The following NPAS3 variants were observed in gnomAD, a reference collection of about 807,000 sequenced individuals.
NPAS3 encodes the protein neuronal PAS domain protein 3.
In NPAS3, 14 loss-of-function variants were observed where a neutral mutation model predicts 73.1. The ratio of observed to expected loss-of-function variants is 0.19; its 90% CI spans 0.13 to 0.30. The LOEUF is 0.30. Among genes scored for constraint, NPAS3 ranks in the 10% least tolerant of loss-of-function variants. NPAS3 has a pLI of 1.00. For synonymous variants in NPAS3, 620 were observed against 541.5 expected (o/e 1.14, Z -2.01); for missense variants, 1,096 against 1,250.0 (o/e 0.88, Z 1.86).
At chr14:33,175,713 G>A (rs1186195231) in intron 2 of NPAS3, among the ~76,000 whole-genome samples, 1 of 152,082 alleles carries the variant, frequency 6.6e-6, no homozygotes, top group Admixed American at 6.5e-5. Context: ...TGGGCTTATT[G>A]AGATTTTACA....
intron 4 of NPAS3, among the ~76,000 whole-genome samples, chr14:33,371,550 G>A (rs1264267898): frequency 1.3e-5 from 2 of 152,090 alleles, no homozygotes; most frequent in Non-Finnish European, 2.9e-5. Flanking sequence ...GCTGAGAAAG[G>A]ATTGGTTTTC....
At chr14:33,582,718 AGAT>A (rs2056714213) in intron 5 of NPAS3, among the ~76,000 whole-genome samples, 1 of 152,218 alleles carries the variant, frequency 6.6e-6, no homozygotes, top group Non-Finnish European at 1.5e-5. Flanking sequence ...GCGGATATTA[AGAT>A]AATAAGTCAT....
intron 4 of NPAS3, among the ~76,000 whole-genome samples, chr14:33,444,466 T>G (rs549566918): frequency 2.0e-5 from 3 of 152,340 alleles, no homozygotes; most frequent in Non-Finnish European, 4.4e-5. Flanking sequence ...AAGAGTTAGT[T>G]TGAGTCTGCA....
chr14:33,243,349 A>T (rs1486070886), intron 3 of NPAS3, among the ~76,000 whole-genome samples: 1 of 152,068 alleles, frequency 6.6e-6, no homozygotes, highest in Admixed American at 6.6e-5. Flanking sequence ...ATCCTAAGTA[A>T]TGTATATCAA....
chr14:33,132,115 G>T (rs2043660010), intron 2 of NPAS3, among the ~76,000 whole-genome samples: 1 of 152,132 alleles, frequency 6.6e-6, no homozygotes, highest in Non-Finnish European at 1.5e-5. Flanking sequence ...TGGTGGGAAA[G>T]GGAGTCTGGG....
chr14:33,053,795 T>C (rs1031475364), intron 1 of NPAS3, among the ~76,000 whole-genome samples: 3 of 152,124 alleles, frequency 2.0e-5, no homozygotes, highest in East Asian at 1.9e-4. Flanking sequence ...GTCCTTCTTT[T>C]CCCCCCTTCC....
chr14:33,593,843 T>C (rs1444846934), intron 5 of NPAS3, among the ~76,000 whole-genome samples: 2 of 152,204 alleles, frequency 1.3e-5, no homozygotes, highest in Non-Finnish European at 2.9e-5. Flanking sequence ...GTGAGTGAAC[T>C]TGTGTACAGA....
chr14:33,730,971 T>A (rs1014503712), intron 6 of NPAS3, among the ~76,000 whole-genome samples: 2 of 152,210 alleles, frequency 1.3e-5, no homozygotes, highest in Non-Finnish European at 1.5e-5. Context: ...CTTAACAACC[T>A]ATGGCAACTC....
chr14:33,524,019 T>C (rs901223040), intron 4 of NPAS3, among the ~76,000 whole-genome samples: 1 of 152,160 alleles, frequency 6.6e-6, no homozygotes, highest in African/African-American at 2.4e-5. Flanking sequence ...AAAATAACTA[T>C]AACTATCTTT....
At chr14:33,667,971 G>A (rs1037488662) in intron 5 of NPAS3, among the ~76,000 whole-genome samples, 9 of 151,942 alleles carry the variant, frequency 5.9e-5, no homozygotes, top group Non-Finnish European at 1.0e-4. Context: ...GTAGGTAAAC[G>A]TGTGCCATGG....
At chr14:33,611,638 C>G (rs2057752769) in intron 5 of NPAS3, among the ~76,000 whole-genome samples, 1 of 152,134 alleles carries the variant, frequency 6.6e-6, no homozygotes, top group South Asian at 2.1e-4. Flanking sequence ...TCCTTGAATA[C>G]ATATTTTCCA....
At chr14:33,798,895 C>T (rs548927472) in intron 11 of NPAS3, among the ~76,000 whole-genome samples, 3 of 145,568 alleles carry the variant, frequency 2.1e-5, no homozygotes, top group African/African-American at 7.6e-5. Context: ...AATCCCAGCA[C>T]TTTGGGAGGC....
rs145247432 is a variant in NPAS3 at position 33,549,753 on chromosome 14, A to G, written c.469-10368A>G. Among the ~76,000 whole-genome samples the G allele has an allele frequency of 2.6e-5, 4 of 152,244 alleles. No individual in the cohort carries two copies. In the East Asian group the frequency reaches 7.7e-4, roughly 29 times the overall value. On this transcript the variant is annotated intron_variant, in intron 4 of 11. Coordinates refer to ENST00000356141, the Ensembl canonical transcript of NPAS3. The stretch of plus-strand genomic sequence containing the variant: ...CAGTCACTTTAGACATTATTTTCAT[A>G]TTTTAGTTAGTTATACTTACCTTCT...
intron 11 of NPAS3, among the ~76,000 whole-genome samples, chr14:33,797,935 T>A (rs563774797): frequency 6.6e-6 from 1 of 151,954 alleles, no homozygotes; most frequent in Non-Finnish European, 1.5e-5. Flanking sequence ...ATCTGACAGA[T>A]CTCTTTCTTT....
At chr14:33,446,490 A>G (rs1039175458) in intron 4 of NPAS3, among the ~76,000 whole-genome samples, 1 of 152,160 alleles carries the variant, frequency 6.6e-6, no homozygotes, top group Non-Finnish European at 1.5e-5. Flanking sequence ...ATGCTTTCTA[A>G]TAAGCAAGAG....
intron 2 of NPAS3, 74 bp downstream of exon 2, chr14:33,056,068 A>C (rs1314719519): frequency 3.0e-6 from 2 of 675,838 alleles, no homozygotes; most frequent in Non-Finnish European, 5.3e-6. Context: ...ATTCAAAAAT[A>C]TCCTTGTATT....
chr14:33,030,641 T>C (rs1410049095), intron 1 of NPAS3, among the ~76,000 whole-genome samples: 1 of 152,162 alleles, frequency 6.6e-6, no homozygotes, highest in East Asian at 1.9e-4. Context: ...GCTGTCACTC[T>C]GGACAACAAG....
chr14:33,417,065 C>T (rs1177265471), intron 4 of NPAS3, among the ~76,000 whole-genome samples: 1 of 151,912 alleles, frequency 6.6e-6, no homozygotes, highest in Non-Finnish European at 1.5e-5. Context: ...TTGATACTTT[C>T]AGGAAAGTAT....
At chr14:33,122,227 A>G (rs2043257174) in intron 2 of NPAS3, among the ~76,000 whole-genome samples, 1 of 152,058 alleles carries the variant, frequency 6.6e-6, no homozygotes, top group East Asian at 1.9e-4. Context: ...TCTTATCCCT[A>G]CTGCTGTAGG....
Sources: gnomAD v4.1 joint callset for allele counts (sites outside exome capture counted in the v4.1 genomes callset) on GRCh38, gnomAD v4.1.1 for gene constraint, MANE v1.5 for transcripts, NCBI Gene and HGNC (gene_info 2026-07-23, HGNC 2026-07-21) for gene names.